TMEM132D: variants seen among roughly 807,000 people sequenced by gnomAD.
TMEM132D encodes mature OL transmembrane protein.
TMEM132D carries 21 observed loss-of-function variants against 62.3 expected under a neutral mutation model. The observed-to-expected ratio is 0.34, with a 90% confidence interval of 0.24 to 0.49. The LOEUF (loss-of-function observed/expected upper bound fraction) is 0.49, where lower values mean the gene tolerates loss of function less well. Ranked by LOEUF, TMEM132D falls within the 20% of genes least tolerant of loss-of-function variation. The probability of loss-of-function intolerance (pLI) is 0.99; values close to 1 mark genes in which losing one functional copy is unlikely to be tolerated. For synonymous variants in TMEM132D, 621 were observed against 575.6 expected, an observed-to-expected ratio of 1.08 and a Z score of -1.13; for missense variants, 1,346 against 1,402.8, an observed-to-expected ratio of 0.96 and a Z score of 0.65.
At chr12:129,587,160 T>C (rs1009874337) in intron 2 of TMEM132D, among the ~76,000 whole-genome samples, 10 of 151,988 alleles carry the variant, frequency 6.6e-5, no homozygotes, top group South Asian at 6.3e-4. Context: ...CAATGATAGA[T>C]GGGATAAAAA....
chr12:129,261,413 C>G (rs183795429), intron 4 of TMEM132D, among the ~76,000 whole-genome samples: 1 of 152,182 alleles, frequency 6.6e-6, no homozygotes, highest in Non-Finnish European at 1.5e-5. Context: ...TGCACATGCT[C>G]TCTTGCCTGC....
chr12:129,715,255 AG>A (rs138529430), intron 1 of TMEM132D, among the ~76,000 whole-genome samples: 4,651 of 152,196 alleles, frequency 0.031, 95 homozygotes, highest in Admixed American at 0.05. Flanking sequence ...CATGAGCAGG[AG>A]GAGAGAGAAG....
chr12:129,477,442 T>C (rs1874298399), intron 3 of TMEM132D, among the ~76,000 whole-genome samples: 1 of 152,250 alleles, frequency 6.6e-6, no homozygotes, highest in South Asian at 2.1e-4. Context: ...TTTGCTTTAC[T>C]TGGTCTCCAT....
chr12:129,699,223 G>T (rs890551599), intron 2 of TMEM132D, among the ~76,000 whole-genome samples: 1 of 152,040 alleles, frequency 6.6e-6, no homozygotes, highest in Non-Finnish European at 1.5e-5. Flanking sequence ...CTTCTCTTTG[G>T]TATATTCTTA....
chr12:129,760,646 CTTTT>C (rs67750432), intron 1 of TMEM132D, among the ~76,000 whole-genome samples: 3 of 147,002 alleles, frequency 2.0e-5, no homozygotes, highest in East Asian at 2.0e-4. Flanking sequence ...TGCGCCCGGA[CTTTT>C]TTTTTTTTTC....
intron 5 of TMEM132D, among the ~76,000 whole-genome samples, chr12:129,098,190 G>T (rs1475857282): frequency 1.3e-5 from 2 of 152,210 alleles, no homozygotes; most frequent in Non-Finnish European, 2.9e-5. Context: ...CATTGCTGAA[G>T]GAATAGGTAA....
At chr12:129,776,379 T>C (rs1245806435) in intron 1 of TMEM132D, among the ~76,000 whole-genome samples, 1 of 152,180 alleles carries the variant, frequency 6.6e-6, no homozygotes, top group Non-Finnish European at 1.5e-5. Flanking sequence ...GGGAAGCTTT[T>C]TTTGGAAGTT....
At chr12:129,276,430 C>G (rs1256678613) in intron 4 of TMEM132D, among the ~76,000 whole-genome samples, 1 of 152,178 alleles carries the variant, frequency 6.6e-6, no homozygotes, top group African/African-American at 2.4e-5. Flanking sequence ...TACTTATAAG[C>G]CAGGGATTTA....
chr12:129,098,096 A>G (rs1386211), intron 5 of TMEM132D, among the ~76,000 whole-genome samples: 63,384 of 152,118 alleles, frequency 0.42, 13,912 homozygotes, highest in African/African-American at 0.57. Context: ...TTGTGAGGAC[A>G]CAACCCAGAA....
intron 5 of TMEM132D, among the ~76,000 whole-genome samples, chr12:129,190,122 GGGCCTGCAGATGGAGGGAGGGGGTCTCA>G (rs1878344592): frequency 1.2e-4 from 2 of 17,250 alleles, no homozygotes; most frequent in South Asian, 1.8e-3. Context: ...GGGGTCTTGG[GGGCCTGCAGATGGAGGGAGGGGGTCTCA>G]GGCCTGCAGA....
chr12:129,778,773 C>G (rs905470918), intron 1 of TMEM132D, among the ~76,000 whole-genome samples: 1 of 152,130 alleles, frequency 6.6e-6, no homozygotes, highest in Non-Finnish European at 1.5e-5. Context: ...TACTGTGGTG[C>G]TTAAACTTTT....
intron 3 of TMEM132D, among the ~76,000 whole-genome samples, chr12:129,526,641 C>A (rs545363433): frequency 1.3e-5 from 2 of 152,282 alleles, no homozygotes; most frequent in Non-Finnish European, 2.9e-5. Flanking sequence ...GGTAATAAAT[C>A]ATGTTTCCTA....
At chr12:129,858,894 C>A (rs1593189217) in intron 1 of TMEM132D, among the ~76,000 whole-genome samples, 1 of 114,342 alleles carries the variant, frequency 8.7e-6, no homozygotes, top group South Asian at 2.9e-4. Context: ...GCCCTTATAA[C>A]AGAGTCCGGG....
chr12:129,367,075 C>G (rs908959916), intron 3 of TMEM132D, among the ~76,000 whole-genome samples: 5 of 152,196 alleles, frequency 3.3e-5, no homozygotes, highest in Admixed American at 3.3e-4. Context: ...ATGGAGGACA[C>G]CGGCTGAGCA....
At chr12:129,262,757 A>T (rs1394213230) in intron 4 of TMEM132D, 1 of 152,222 alleles carries the variant, frequency 6.6e-6, no homozygotes, top group Non-Finnish European at 1.5e-5. Flanking sequence ...TACTTTCAGC[A>T]GCCTGCAATC....
At chr12:129,439,589 A>C (rs1202512246) in intron 3 of TMEM132D, among the ~76,000 whole-genome samples, 1 of 152,128 alleles carries the variant, frequency 6.6e-6, no homozygotes, top group Non-Finnish European at 1.5e-5. Context: ...AGCTGAGAAC[A>C]GGTGCCCGCC....
chr12:129,561,980 G>A (rs866311064), intron 2 of TMEM132D, among the ~76,000 whole-genome samples: 8 of 152,068 alleles, frequency 5.3e-5, no homozygotes, highest in Admixed American at 1.3e-4. Flanking sequence ...GCGTTTAAGT[G>A]GACTTACCTC....
chr12:129,852,010 T>G (rs965103757), intron 1 of TMEM132D, among the ~76,000 whole-genome samples: 2 of 152,220 alleles, frequency 1.3e-5, no homozygotes, highest in South Asian at 4.1e-4. Flanking sequence ...AGGCTGGGCT[T>G]GACCCTCGAG....
At chr12:129,408,756 A>T (rs1871874309) in intron 3 of TMEM132D, among the ~76,000 whole-genome samples, 1 of 152,152 alleles carries the variant, frequency 6.6e-6, no homozygotes, top group Non-Finnish European at 1.5e-5. Flanking sequence ...CTGTGTTTGC[A>T]TATACACTCA....
Sources: gnomAD v4.1 joint callset for allele counts (sites outside exome capture counted in the v4.1 genomes callset) on GRCh38, gnomAD v4.1.1 for gene constraint, MANE v1.5 for transcripts, NCBI Gene and HGNC (gene_info 2026-07-23, HGNC 2026-07-21) for gene names.